PMFBP1: variants seen among roughly 807,000 people sequenced by gnomAD.
The protein encoded by PMFBP1 is polyamine modulated factor 1 binding protein 1.
PMFBP1 carries 131 observed loss-of-function variants against 137.8 expected under a neutral mutation model. The observed-to-expected ratio is 0.95, with a 90% CI of 0.82 to 1.10. The LOEUF is 1.10. Ranked by LOEUF, PMFBP1 falls within the 50% of genes least tolerant of loss-of-function variation. The pLI is 0.00. For missense variants in PMFBP1, 1,199 were observed against 1,175.4 expected, an observed-to-expected ratio of 1.02 and a Z score of -0.29; for synonymous variants, 490 against 450.4, an observed-to-expected ratio of 1.09 and a Z score of -1.11.
At chr16:72,231,094 C>T in the PMFBP1 span, among the ~76,000 whole-genome samples, 9 of 152,068 alleles carry the variant, frequency 5.9e-5, no homozygotes, top group South Asian at 2.1e-4. Flanking sequence ...CATGGAGAAC[C>T]GACATTGATT....
the PMFBP1 span, among the ~76,000 whole-genome samples, chr16:72,211,485 T>C: frequency 6.6e-6 from 1 of 152,182 alleles, no homozygotes; most frequent in African/African-American, 2.4e-5. Context: ...GTTTAGAATC[T>C]CACATTTAAA....
intron 3 of PMFBP1, 56 bp downstream of exon 3, chr16:72,164,708 G>A: frequency 6.5e-7 from 1 of 1,538,648 alleles, no homozygotes; most frequent in South Asian, 1.3e-5. Flanking sequence ...CCGCCCAAGG[G>A]AGCAGAGGCA....
chr16:72,198,392 G>C, the PMFBP1 span, among the ~76,000 whole-genome samples: 1 of 152,196 alleles, frequency 6.6e-6, no homozygotes, highest in Non-Finnish European at 1.5e-5. Flanking sequence ...CCAGTGCTCA[G>C]ACACTGTTCA....
At chr16:72,201,367 A>T in the PMFBP1 span, among the ~76,000 whole-genome samples, 4 of 152,240 alleles carry the variant, frequency 2.6e-5, no homozygotes, top group Non-Finnish European at 4.4e-5. Context: ...TACAGGAACT[A>T]TGTCCACATT....
chr16:72,196,080 C>G, the PMFBP1 span, among the ~76,000 whole-genome samples: 1 of 151,878 alleles, frequency 6.6e-6, no homozygotes, highest in Non-Finnish European at 1.5e-5. Context: ...TTCAAAAACT[C>G]TTGAACTGAT....
At position 72,129,196 on chromosome 16, in the gene PMFBP1, T is replaced by C. The variant is rs149738399; in HGVS notation, c.1820A>G (p.Glu607Gly). The C allele has an allele frequency of 2.9e-5, 47 of 1,612,690 alleles. No individual in the cohort carries two copies. In the African/African-American group the frequency reaches 5.9e-4, roughly 20 times the overall value. The change falls in exon 13 of 21, where the codon GAA becomes GGA. Residue 607 changes from glutamate (E) to glycine (G), a missense_variant. Physicochemically the swap from Glu to Gly is moderately conservative, Grantham distance 98. Coordinates refer to ENST00000237353, the MANE Select transcript of PMFBP1 (RefSeq NM_031293.3). ...AAGCTTTGTGGCCTCCTGAAGATCT[T>C]CTTCTAACTTGCATTTGATGGAGCC... is the stretch of plus-strand genomic sequence containing the variant. ...EQGSIKCKLEEDLQEATKLLE... is the reference protein window; with the variant it reads ...EQGSIKCKLEGDLQEATKLLE...
At chr16:72,216,880 G>T in the PMFBP1 span, among the ~76,000 whole-genome samples, 2 of 152,204 alleles carry the variant, frequency 1.3e-5, no homozygotes, top group African/African-American at 2.4e-5. Flanking sequence ...CTTCGCTGCA[G>T]TATAAGTAGT....
At chr16:72,128,872 C>T (rs1421922892) in intron 13 of PMFBP1, 78 bp from the exon 14 acceptor site, 1 of 1,581,474 alleles carries the variant, frequency 6.3e-7, no homozygotes, top group Non-Finnish European at 8.6e-7. Flanking sequence ...CTCCACCCTC[C>T]CTCTCACCCA....
In PMFBP1 at chr16:72,154,310, C is replaced by T. The variant is rs199738157; in HGVS notation, c.315G>A (p.Gln105=). The change falls in exon 4 of 21, where the codon CAG becomes CAA. Residue 105 remains glutamine, a synonymous_variant. Transcript: ENST00000237353. The stretch of plus-strand genomic sequence containing the variant: ...ACTGGCGGAGAGAATAGTAAGAAGT[C>T]TGCAACTCCTCTGTGTGAAACTCCA... The part of the protein sequence containing the change: ...QELEFHTEEL[Q]TSYYSLRQYQ... 12 of 1,614,156 alleles carry T rather than the reference C, an allele frequency of 7.4e-6. No homozygotes were observed. The highest frequency in any genetic ancestry group is 1.3e-5 in the African/African-American group (1 of 75,046).
intron 3 of PMFBP1, among the ~76,000 whole-genome samples, chr16:72,161,644 A>G (rs1229441111): frequency 6.6e-6 from 1 of 152,178 alleles, no homozygotes; most frequent in African/African-American, 2.4e-5. Flanking sequence ...TTCTTCATAC[A>G]GCTTTCCCTA....
At chr16:72,169,423 T>TA (rs1325749607) in intron 2 of PMFBP1, among the ~76,000 whole-genome samples, 12 of 152,208 alleles carry the variant, frequency 7.9e-5, no homozygotes, top group Non-Finnish European at 1.2e-4. Context: ...ATAGAAATAT[T>TA]ACAGTTTTTG....
chr16:72,119,951 C>A lies in PMFBP1; in HGVS notation c.2907G>T (p.Gln969His), dbSNP rs370791451. ...CCAAGGTGCCGCACACTTTCTCCCT[C>A]TGTGTGGACTCCGTTCTGCTCGGGC... is the stretch of plus-strand genomic sequence containing the variant. ...ALGPSRTEST[Q>H]REKVCGTLGW... Residue 969 changes from glutamine to histidine, a missense_variant, in exon 20 of 21, where the codon CAG (glutamine) becomes CAT (histidine). Transcript: ENST00000237353. 1.2e-6 allele frequency: 2 copies of A among 1,614,120 alleles called. No individual in the cohort carries two copies. The highest frequency in any genetic ancestry group is 1.3e-5 in the African/African-American group (1 of 74,944).
chr16:72,224,506 C>G, the PMFBP1 span: 23 of 152,534 alleles, frequency 1.5e-4, no homozygotes, highest in African/African-American at 5.3e-4. Context: ...TCTAATTACA[C>G]ATTTTTGATT....
intron 3 of PMFBP1, among the ~76,000 whole-genome samples, chr16:72,158,489 T>G (rs73582412): frequency 0.041 from 6,207 of 152,168 alleles, 395 homozygotes; most frequent in African/African-American, 0.14. Context: ...GGTGTGCTCA[T>G]GTATGTGTGT....
rs749201016 is a variant in PMFBP1, at chr16:72,150,781, C to G, written c.463G>C (p.Glu155Gln). Reference protein sequence around the residue: ...EMGNHNENTGEKLHLAQEQLA... With the variant: ...EMGNHNENTGQKLHLAQEQLA... ...TGCTCCTGCGCCAAATGGAGCTTCT[C>G]CCCTGTGTTCTCGTTGTGATTTCCC... The change falls in exon 5 of 21, where the codon GAG (glutamate) becomes CAG (glutamine). Residue 155 changes from glutamate (E) to glutamine (Q), a missense_variant. Coordinates refer to ENST00000237353, the MANE Select transcript of PMFBP1 (RefSeq NM_031293.3). 2 of 1,614,132 alleles carry G rather than the reference C, an allele frequency of 1.2e-6. No individual in the cohort carries two copies. The highest frequency in any genetic ancestry group is 1.7e-6 in the Non-Finnish European group (2 of 1,180,018).
the PMFBP1 span, among the ~76,000 whole-genome samples, chr16:72,205,918 A>C: frequency 6.6e-6 from 1 of 152,114 alleles, no homozygotes. Context: ...CTACTGCTCT[A>C]GGGTCACCGT....
the PMFBP1 span, among the ~76,000 whole-genome samples, chr16:72,234,433 A>C: frequency 6.6e-6 from 1 of 152,180 alleles, no homozygotes; most frequent in African/African-American, 2.4e-5. Context: ...TCATTATGAT[A>C]GTAAAAAACA....
At chr16:72,144,169 T>C (rs1041086108) in intron 5 of PMFBP1, among the ~76,000 whole-genome samples, 2 of 152,260 alleles carry the variant, frequency 1.3e-5, no homozygotes, top group South Asian at 2.1e-4. Context: ...TACAAAATCT[T>C]ACTGAAGGAC....
upstream of PMFBP1, among the ~76,000 whole-genome samples, chr16:72,175,762 C>T (rs2043256991): frequency 6.6e-6 from 1 of 152,172 alleles, no homozygotes. Flanking sequence ...CTCCAATGTT[C>T]TACCTCCTAC....
Sources: gnomAD v4.1 joint callset for allele counts (sites outside exome capture counted in the v4.1 genomes callset) on GRCh38, gnomAD v4.1.1 for gene constraint, MANE v1.5 for transcripts, NCBI Gene and HGNC (gene_info 2026-07-23, HGNC 2026-07-21) for gene names.